The following PLEKHB2 variants were observed in gnomAD, a reference collection of about 807,000 sequenced individuals.
The protein encoded by PLEKHB2 is pleckstrin homology domain containing B2, also known as pleckstrin homology domain-containing family B member 2.
PLEKHB2 carries 31 observed loss-of-function variants against 36.5 expected under a neutral mutation model. That is an observed-to-expected ratio of 0.85 (90% CI 0.64 to 1.15). The LOEUF is 1.15. Ranked by LOEUF, PLEKHB2 falls within the 50% of genes most tolerant of loss-of-function variation. The pLI, the probability that PLEKHB2 is intolerant of heterozygous loss-of-function variation, is 0.00. For synonymous variants in PLEKHB2, 119 were observed against 112.0 expected, an observed-to-expected ratio of 1.06 and a Z score of -0.39; for missense variants, 262 against 295.3, an observed-to-expected ratio of 0.89 and a Z score of 0.83.
intron 1 of PLEKHB2, among the ~76,000 whole-genome samples, chr2:131,105,887 G>C (rs1432611608): frequency 6.6e-6 from 1 of 152,178 alleles, no homozygotes; most frequent in Non-Finnish European, 1.5e-5. Flanking sequence ...TACCCCTGCT[G>C]CTCCCTCTGC....
intron 6 of PLEKHB2, among the ~76,000 whole-genome samples, chr2:131,133,304 C>G (rs960180319): frequency 2.0e-5 from 3 of 152,014 alleles, no homozygotes; most frequent in Non-Finnish European, 4.4e-5. Context: ...TATTTGAATT[C>G]TCCTTATAGT....
At chr2:131,108,583 A>G (rs1694965609) in intron 1 of PLEKHB2, among the ~76,000 whole-genome samples, 1 of 152,214 alleles carries the variant, frequency 6.6e-6, no homozygotes, top group Non-Finnish European at 1.5e-5. Context: ...GAAGAAGGCC[A>G]TACATAAAAT....
At position 131,126,012 on chromosome 2, in the gene PLEKHB2, AG is replaced by A. The variant is rs145565789; in HGVS notation, c.190+110del. 405 of 1,132,016 alleles carry A rather than the reference AG, an allele frequency of 3.6e-4. No homozygotes were observed. In the African/African-American group the frequency reaches 5.7e-3, roughly 16 times the overall value. The allele number at this position is 1,132,016 out of a possible 1,614,324, so 70.1% of individuals were successfully genotyped here. On this transcript the variant is annotated intron_variant, in intron 3 of 7. Transcript: ENST00000693505. Reference sequence around the variant, plus strand: ...TCTGCTTTCATTAACAGATTGAAGAAGGGCTCCATCTCAGAGGGGCGACCAC... The same window carrying A: ...TCTGCTTTCATTAACAGATTGAAGAAGGCTCCATCTCAGAGGGGCGACCAC...
intron 2 of PLEKHB2, 75 bp from the exon 3 acceptor site, chr2:131,125,678 T>G: frequency 7.9e-7 from 1 of 1,268,778 alleles, no homozygotes; most frequent in Non-Finnish European, 1.1e-6. Flanking sequence ...GAATAGCCAC[T>G]GCATTCCAAC....
intron 2 of PLEKHB2, among the ~76,000 whole-genome samples, chr2:131,124,791 T>TC (rs1479762095): frequency 6.9e-6 from 1 of 144,184 alleles, no homozygotes; most frequent in African/African-American, 2.5e-5. Flanking sequence ...GTGTTTTTTC[T>TC]TTTTTTTTTT....
intron 1 of PLEKHB2, among the ~76,000 whole-genome samples, chr2:131,119,474 C>T (rs1230867382): frequency 1.3e-5 from 2 of 152,176 alleles, no homozygotes; most frequent in African/African-American, 2.4e-5. Context: ...TGGAGGTACC[C>T]GCTCAGCAGT....
At chr2:131,142,741 A>G (rs895412050) in intron 7 of PLEKHB2, among the ~76,000 whole-genome samples, 1 of 152,028 alleles carries the variant, frequency 6.6e-6, no homozygotes, top group East Asian at 1.9e-4. Context: ...TATTTTTAGT[A>G]GAGATGGTTT....
At chr2:131,140,380 A>G (rs1698666326) in intron 7 of PLEKHB2, 105 bp downstream of exon 7, 1 of 625,130 alleles carries the variant, frequency 1.6e-6, no homozygotes, top group Non-Finnish European at 2.8e-6. Context: ...CATGAGCTAT[A>G]TTTTCTGGTT....
intron 7 of PLEKHB2, among the ~76,000 whole-genome samples, chr2:131,146,245 C>T (rs1699277108): frequency 6.6e-6 from 1 of 152,034 alleles, no homozygotes; most frequent in Non-Finnish European, 1.5e-5. Flanking sequence ...TGCGTGCATA[C>T]TAAGAAGCTC....
intron 1 of PLEKHB2, among the ~76,000 whole-genome samples, chr2:131,113,390 T>C (rs1319689396): frequency 6.6e-6 from 1 of 152,208 alleles, no homozygotes; most frequent in Non-Finnish European, 1.5e-5. Context: ...ATAATTGATT[T>C]CTTGCTTGGT....
At chr2:131,110,556 T>G (rs1468306860) in intron 1 of PLEKHB2, among the ~76,000 whole-genome samples, 1 of 152,162 alleles carries the variant, frequency 6.6e-6, no homozygotes, top group African/African-American at 2.4e-5. Context: ...CTTATTTTTT[T>G]GTTGAGAATG....
At chr2:131,144,443 T>G in intron 7 of PLEKHB2, 1 of 1,221,934 alleles carries the variant, frequency 8.2e-7, no homozygotes, top group Non-Finnish European at 1.0e-6. Flanking sequence ...CACTGCAGTT[T>G]CCAGGGGTAA....
Position 131,146,559 on chromosome 2 carries a change from AAGG to A in PLEKHB2, c.533-75_533-73del, listed in dbSNP as rs1372111998. The stretch of plus-strand genomic sequence containing the variant: ...AGGAGACAGCAGATCCCTTTTGTGA[AAGG>A]AGAACTGGTACTTTGCGTGATGTTA... On this transcript the variant is annotated intron_variant, in intron 7 of 7. Coordinates refer to ENST00000693505, the MANE Select transcript of PLEKHB2 (RefSeq NM_001100623.2). The A allele has an allele frequency of 1.0e-5, 15 of 1,450,044 alleles. No individual in the cohort carries two copies. In the African/African-American group the frequency reaches 2.0e-4, roughly 19 times the overall value. 89.8% of individuals were successfully genotyped at this position (1,450,044 alleles called of 1,614,324 possible).
At chr2:131,139,828 T>C (rs1160316824) in intron 6 of PLEKHB2, among the ~76,000 whole-genome samples, 2 of 152,188 alleles carry the variant, frequency 1.3e-5, no homozygotes, top group Non-Finnish European at 2.9e-5. Context: ...TCCAACCTTA[T>C]CATTTTACAG....
chr2:131,131,057 G>A (rs2104901256), intron 5 of PLEKHB2, among the ~76,000 whole-genome samples: 1 of 152,314 alleles, frequency 6.6e-6, no homozygotes, highest in South Asian at 2.1e-4. Flanking sequence ...CCAAAGTGCT[G>A]GGATTACAGG....
intron 1 of PLEKHB2, among the ~76,000 whole-genome samples, chr2:131,110,025 G>A (rs1381186796): frequency 6.6e-6 from 1 of 151,920 alleles, no homozygotes; most frequent in African/African-American, 2.4e-5. Context: ...TGAGGCAGGA[G>A]AATGGCATGA....
chr2:131,123,763 T>TCCCCCCCC (rs1300845665), intron 2 of PLEKHB2, among the ~76,000 whole-genome samples: 1 of 21,042 alleles, frequency 4.8e-5, no homozygotes. Context: ...GACCTCCTGG[T>TCCCCCCCC]CCACCCCCCC....
chr2:131,123,190 T>C (rs1034819850), intron 2 of PLEKHB2, among the ~76,000 whole-genome samples: 2 of 152,212 alleles, frequency 1.3e-5, no homozygotes, highest in African/African-American at 2.4e-5. Flanking sequence ...ATTTACTCTG[T>C]ATATAACCCC....
intron 6 of PLEKHB2, among the ~76,000 whole-genome samples, chr2:131,137,802 A>G (rs1303966401): frequency 6.6e-6 from 1 of 151,932 alleles, no homozygotes; most frequent in Non-Finnish European, 1.5e-5. Flanking sequence ...GGTTTTCAAA[A>G]GTTTGACTAT....
Sources: gnomAD v4.1 joint callset for allele counts (sites outside exome capture counted in the v4.1 genomes callset) on GRCh38, gnomAD v4.1.1 for gene constraint, MANE v1.5 for transcripts, NCBI Gene and HGNC (gene_info 2026-07-23, HGNC 2026-07-21) for gene names.